The following KCNQ5 variants were observed in gnomAD, a reference collection of about 807,000 sequenced individuals.
The protein encoded by KCNQ5 is potassium voltage-gated channel subfamily Q member 5, also known as potassium voltage-gated channel subfamily KQT member 5.
A neutral mutation model predicts 98.2 loss-of-function variants in KCNQ5; 30 were observed. That is an observed-to-expected ratio of 0.31 (90% CI 0.23 to 0.41). The LOEUF is 0.41. Ranked by LOEUF, KCNQ5 falls within the 10% of genes least tolerant of loss-of-function variation. The pLI, the probability that KCNQ5 is intolerant of heterozygous loss-of-function variation, is 1.00. For synonymous variants in KCNQ5, 458 were observed against 449.4 expected, an observed-to-expected ratio of 1.02 and a Z score of -0.24; for missense variants, 835 against 1,182.5, an observed-to-expected ratio of 0.71 and a Z score of 4.31.
At chr6:72,962,797 CT>C (rs1562096478) in intron 1 of KCNQ5, among the ~76,000 whole-genome samples, 1 of 152,158 alleles carries the variant, frequency 6.6e-6, no homozygotes, top group Non-Finnish European at 1.5e-5. Context: ...AATTTACTTG[CT>C]TCTCAAGGCC....
At chr6:72,959,032 A>G (rs1767215419) in intron 1 of KCNQ5, among the ~76,000 whole-genome samples, 1 of 152,224 alleles carries the variant, frequency 6.6e-6, no homozygotes, top group Admixed American at 6.5e-5. Context: ...CTCAACACTT[A>G]GAATATTAGC....
chr6:72,817,206 A>C (rs1449969161), intron 1 of KCNQ5, among the ~76,000 whole-genome samples: 2 of 152,246 alleles, frequency 1.3e-5, no homozygotes, highest in East Asian at 3.8e-4. Context: ...TAATATTATT[A>C]TCAACACTAA....
chr6:72,856,634 T>C (rs548109896), intron 1 of KCNQ5, among the ~76,000 whole-genome samples: 1 of 152,326 alleles, frequency 6.6e-6, no homozygotes, highest in African/African-American at 2.4e-5. Context: ...TGGAAATTTG[T>C]CAACAGTTAC....
At chr6:72,941,785 C>G (rs1334587876) in intron 1 of KCNQ5, among the ~76,000 whole-genome samples, 1 of 147,446 alleles carries the variant, frequency 6.8e-6, no homozygotes, top group East Asian at 2.0e-4. Context: ...GTTTCCTTCT[C>G]CATGCCAGGC....
At chr6:72,701,137 T>G (rs1365319548) in intron 1 of KCNQ5, among the ~76,000 whole-genome samples, 2 of 152,234 alleles carry the variant, frequency 1.3e-5, no homozygotes, top group Non-Finnish European at 2.9e-5. Context: ...ATTAATAAAT[T>G]GTATTTTGGT....
intron 5 of KCNQ5, among the ~76,000 whole-genome samples, chr6:73,096,824 T>C (rs533272469): frequency 2.6e-5 from 4 of 152,180 alleles, no homozygotes; most frequent in Admixed American, 2.6e-4. Context: ...AGGGGGATCA[T>C]TTGAAGTCAA....
At chr6:72,816,013 C>A (rs1360553310) in intron 1 of KCNQ5, among the ~76,000 whole-genome samples, 4 of 152,152 alleles carry the variant, frequency 2.6e-5, no homozygotes, top group Admixed American at 2.6e-4. Context: ...TGCCTGAGAA[C>A]AGAGGCTTAA....
intron 1 of KCNQ5, among the ~76,000 whole-genome samples, chr6:72,960,859 G>A (rs1165605007): frequency 6.6e-6 from 1 of 152,264 alleles, no homozygotes; most frequent in East Asian, 1.9e-4. Context: ...GGAACTACAG[G>A]TGCAGGCCAC....
chr6:72,676,156 T>A (rs2154473563), intron 1 of KCNQ5, among the ~76,000 whole-genome samples: 1 of 152,296 alleles, frequency 6.6e-6, no homozygotes, highest in East Asian at 1.9e-4. Flanking sequence ...GCACATCCTA[T>A]TTCGTACTTC....
intron 1 of KCNQ5, among the ~76,000 whole-genome samples, chr6:72,941,460 C>T (rs1766265847): frequency 8.4e-5 from 7 of 83,110 alleles, no homozygotes; most frequent in African/African-American, 2.7e-4. Flanking sequence ...TCCTTCCTTC[C>T]TTCTTCCTTC....
intron 1 of KCNQ5, among the ~76,000 whole-genome samples, chr6:72,695,609 T>C (rs865873972): frequency 3.9e-5 from 6 of 152,330 alleles, no homozygotes; most frequent in Middle Eastern, 3.4e-3. Flanking sequence ...CATTTAGCTA[T>C]GCATGACTGT....
chr6:73,036,349 G>A (rs1771426824), intron 2 of KCNQ5, among the ~76,000 whole-genome samples: 1 of 134,072 alleles, frequency 7.5e-6, no homozygotes, highest in African/African-American at 3.0e-5. Flanking sequence ...TCGCACCACT[G>A]CACTCCATTC....
intron 1 of KCNQ5, among the ~76,000 whole-genome samples, chr6:72,982,941 G>C (rs1360105228): frequency 3.3e-5 from 5 of 152,250 alleles, no homozygotes; most frequent in African/African-American, 1.2e-4. Flanking sequence ...GCTTGGTTTG[G>C]CTGGATATGA....
At chr6:72,961,740 C>A (rs1213721213) in intron 1 of KCNQ5, among the ~76,000 whole-genome samples, 1 of 150,642 alleles carries the variant, frequency 6.6e-6, no homozygotes, top group African/African-American at 2.4e-5. Flanking sequence ...AAAGGATGAA[C>A]AAATGAGCTT....
At chr6:72,906,607 T>C (rs1689868253) in intron 1 of KCNQ5, among the ~76,000 whole-genome samples, 1 of 152,226 alleles carries the variant, frequency 6.6e-6, no homozygotes, top group Non-Finnish European at 1.5e-5. Flanking sequence ...TTCACTTGGC[T>C]GTCTAAATTG....
intron 1 of KCNQ5, among the ~76,000 whole-genome samples, chr6:72,739,495 A>T (rs3005765): frequency 0.61 from 92,877 of 152,180 alleles, 28,575 homozygotes; most frequent in Middle Eastern, 0.68. Context: ...ACTCTGCTTC[A>T]TCTCTATTGC....
chr6:72,858,475 T>C (rs1043847385), intron 1 of KCNQ5, among the ~76,000 whole-genome samples: 7 of 151,608 alleles, frequency 4.6e-5, no homozygotes, highest in Admixed American at 4.6e-4. Flanking sequence ...TGTATACATA[T>C]TTATATATAT....
At chr6:72,955,671 T>A (rs1446403840) in intron 1 of KCNQ5, among the ~76,000 whole-genome samples, 1 of 152,182 alleles carries the variant, frequency 6.6e-6, no homozygotes, top group African/African-American at 2.4e-5. Context: ...ATATTAAAGA[T>A]CTTGAAACTG....
chr6:73,071,802 C>A (rs144242858), intron 3 of KCNQ5, among the ~76,000 whole-genome samples: 104 of 152,306 alleles, frequency 6.8e-4, no homozygotes, highest in African/African-American at 2.5e-3. Flanking sequence ...TAGGCTTCAC[C>A]TCTAACACTG....
Sources: gnomAD v4.1 joint callset for allele counts (sites outside exome capture counted in the v4.1 genomes callset) on GRCh38, gnomAD v4.1.1 for gene constraint, MANE v1.5 for transcripts, NCBI Gene and HGNC (gene_info 2026-07-23, HGNC 2026-07-21) for gene names.